The following CLCA4 variants were observed in gnomAD, a reference collection of about 807,000 sequenced individuals.
CLCA4 encodes calcium-activated chloride channel regulator 4.
Under a neutral mutation model 78.9 loss-of-function variants are expected in CLCA4, and 69 were observed. The observed-to-expected ratio is 0.87, with a 90% confidence interval of 0.72 to 1.07. The LOEUF is 1.07. Ranked by LOEUF, CLCA4 falls within the 50% of genes least tolerant of loss-of-function variation. The pLI is 0.00. For synonymous variants in CLCA4, 362 were observed against 375.8 expected, an observed-to-expected ratio of 0.96 and a Z score of 0.42; for missense variants, 1,133 against 1,095.8, an observed-to-expected ratio of 1.03 and a Z score of -0.48.
chr1:86,558,099 T>C (rs757091428), intron 1 of CLCA4, among the ~76,000 whole-genome samples: 2 of 152,202 alleles, frequency 1.3e-5, no homozygotes, highest in Non-Finnish European at 2.9e-5. Context: ...CTTTATAAGA[T>C]GATTCTCTTG....
chr1:86,575,061 T>C (rs182277908), intron 10 of CLCA4, among the ~76,000 whole-genome samples: 1 of 152,032 alleles, frequency 6.6e-6, no homozygotes, highest in African/African-American at 2.4e-5. Context: ...CCTACCAGGA[T>C]TGATGAATCT....
At chr1:86,553,039 G>A (rs941221116) in intron 1 of CLCA4, 14 of 638,356 alleles carry the variant, frequency 2.2e-5, no homozygotes, top group South Asian at 3.6e-5. Flanking sequence ...CTCCCACGCC[G>A]CGCGGCACAG....
chr1:86,565,557 A>T, intron 5 of CLCA4, 106 bp downstream of exon 5: 3 of 896,536 alleles, frequency 3.3e-6, no homozygotes, highest in Non-Finnish European at 5.1e-6. Context: ...ATTGATATAG[A>T]GTTCTTTGAA....
chr1:86,569,478 AG>A (rs2101810243), intron 7 of CLCA4, among the ~76,000 whole-genome samples: 1 of 152,130 alleles, frequency 6.6e-6, no homozygotes, highest in Non-Finnish European at 1.5e-5. Context: ...CACAACAAAA[AG>A]CTCTTGAAGG....
At chr1:86,551,774 C>G (rs1359717410) in intron 1 of CLCA4, among the ~76,000 whole-genome samples, 2 of 152,160 alleles carry the variant, frequency 1.3e-5, no homozygotes, top group Non-Finnish European at 1.5e-5. Context: ...CCGTGATCTC[C>G]AAACAGACAA....
intron 3 of CLCA4, among the ~76,000 whole-genome samples, chr1:86,562,912 C>G (rs1650067870): frequency 6.6e-6 from 1 of 150,768 alleles, no homozygotes; most frequent in Non-Finnish European, 1.5e-5. Context: ...CTTCTTCATA[C>G]TGTGGTGTAT....
intron 1 of CLCA4, among the ~76,000 whole-genome samples, 171 bp from the exon 2 acceptor site, chr1:86,559,761 G>A (rs1570323618): frequency 6.6e-6 from 1 of 152,316 alleles, no homozygotes; most frequent in African/African-American, 2.4e-5. Context: ...AGGAATAAGT[G>A]ATGGTTTGGG....
intron 1 of CLCA4, among the ~76,000 whole-genome samples, chr1:86,554,928 T>A (rs1305555480): frequency 6.6e-6 from 1 of 152,034 alleles, no homozygotes; most frequent in African/African-American, 2.4e-5. Context: ...CATGGTGGGT[T>A]TTTTTGTGTG....
chr1:86,565,277 T>C lies in CLCA4; in HGVS notation c.561T>C (p.Cys187=), dbSNP rs753858321. ...AKSKKIEATR[C]SAGISGRNRV... ...ATTAACTGTCATATATTTTCAGGTG[T>C]TCCGCAGGTATCTCTGGTAGAAATA... Residue 187 remains cysteine (C), a synonymous_variant, in exon 5 of 14, where the codon TGT becomes TGC. Transcript: ENST00000370563. 6.3e-7 allele frequency: 1 copy of C among 1,587,058 alleles called. No individual in the cohort carries two copies. Among genetic ancestry groups the C allele is most frequent in the Non-Finnish European group, 8.6e-7 (1 of 1,169,318 alleles).
At chr1:86,562,990 A>G (rs1650071137) in intron 3 of CLCA4, among the ~76,000 whole-genome samples, 1 of 151,740 alleles carries the variant, frequency 6.6e-6, no homozygotes, top group African/African-American at 2.4e-5. Context: ...AGCAGAAGAG[A>G]CTTTATTTCC....
chr1:86,564,706 A>G (rs1371456044), intron 4 of CLCA4, among the ~76,000 whole-genome samples: 1 of 152,180 alleles, frequency 6.6e-6, no homozygotes, highest in African/African-American at 2.4e-5. Context: ...GGTCAATTAC[A>G]TTCCATAAAA....
At chr1:86,550,917 C>T (rs867450774) in intron 1 of CLCA4, among the ~76,000 whole-genome samples, 5 of 150,620 alleles carry the variant, frequency 3.3e-5, no homozygotes, top group Non-Finnish European at 5.9e-5. Context: ...CTGCAAGCTC[C>T]GCCTCCCACG....
intron 6 of CLCA4, 89 bp from the exon 7 acceptor site, chr1:86,567,335 C>G: frequency 9.4e-7 from 1 of 1,061,332 alleles, no homozygotes; most frequent in Non-Finnish European, 1.4e-6. Flanking sequence ...GAAAATGTTA[C>G]CAATAAATTC....
Position 86,571,160 on chromosome 1 carries a change from T to C in CLCA4, c.1266T>C (p.Cys422=). 1.2e-6 allele frequency: 2 copies of C among 1,613,030 alleles called. No homozygotes were observed. Among genetic ancestry groups the C allele is most frequent in the Non-Finnish European group, 1.7e-6 (2 of 1,179,172 alleles). Residue 422 remains cysteine, a synonymous_variant, in exon 8 of 14, where the codon TGT becomes TGC. Coordinates refer to ENST00000370563, the MANE Select transcript of CLCA4 (RefSeq NM_012128.4). ...TDGEDNTASS[C]IDEVKQSGAI... ...GGGAGGATAACACTGCAAGTTCTTG[T>C]ATTGATGAAGTGAAACAAAGTGGGG...
Position 86,554,854 on chromosome 1 carries a change from C to T in CLCA4, c.160-5078C>T, listed in dbSNP as rs544074193. Among the ~76,000 whole-genome samples, 4 of 150,834 alleles carry T rather than the reference C, an allele frequency of 2.7e-5. No individual in the cohort carries two copies. The East Asian group carries it at 7.8e-4, about 29-fold the overall frequency. On this transcript the variant is annotated intron_variant, in intron 1 of 13. Transcript: ENST00000370563. ...TCCCTTTTCTCCTCAACCTCGCAAGCATCTGGTTTTTTTTTTTTTTACTTT... is the reference window on the plus strand; with the variant it reads ...TCCCTTTTCTCCTCAACCTCGCAAGTATCTGGTTTTTTTTTTTTTTACTTT...
At chr1:86,557,220 C>G (rs1649876775) in intron 1 of CLCA4, among the ~76,000 whole-genome samples, 1 of 151,902 alleles carries the variant, frequency 6.6e-6, no homozygotes. Flanking sequence ...CAGTTCAGCT[C>G]TGATTTTGAT....
chr1:86,567,101 G>A (rs922927165), intron 6 of CLCA4, among the ~76,000 whole-genome samples: 2 of 151,968 alleles, frequency 1.3e-5, no homozygotes, highest in East Asian at 3.9e-4. Flanking sequence ...GCTCCCAAGA[G>A]TAATTAGACA....
intron 1 of CLCA4, among the ~76,000 whole-genome samples, chr1:86,556,393 T>G (rs1165503737): frequency 6.6e-6 from 1 of 151,546 alleles, no homozygotes; most frequent in Non-Finnish European, 1.5e-5. Flanking sequence ...ACCTACGTTA[T>G]TGTGGTGTTG....
At chr1:86,564,887 A>G (rs1423950453) in intron 4 of CLCA4, among the ~76,000 whole-genome samples, 1 of 152,090 alleles carries the variant, frequency 6.6e-6, no homozygotes, top group Non-Finnish European at 1.5e-5. Flanking sequence ...TTGGAAGGAA[A>G]TCTACAAAGA....
Sources: gnomAD v4.1 joint callset for allele counts (sites outside exome capture counted in the v4.1 genomes callset) on GRCh38, gnomAD v4.1.1 for gene constraint, MANE v1.5 for transcripts, NCBI Gene and HGNC (gene_info 2026-07-23, HGNC 2026-07-21) for gene names.